Variants in GLRA1 observed in about 807,000 individuals in gnomAD.
GLRA1 encodes glycine receptor subunit alpha-1.
In GLRA1, 37 loss-of-function variants were observed where a neutral mutation model predicts 48.3. That is an observed-to-expected ratio of 0.77 (90% CI 0.59 to 1.01). The LOEUF (loss-of-function observed/expected upper bound fraction) is 1.01, where lower values mean the gene tolerates loss of function less well. Among genes scored for constraint, GLRA1 ranks in the 50% least tolerant of loss-of-function variants. The probability of loss-of-function intolerance (pLI) is 0.00; values close to 1 mark genes in which losing one functional copy is unlikely to be tolerated. For missense variants in GLRA1, 427 were observed against 571.0 expected (o/e 0.75, Z 2.57); for synonymous variants, 196 against 210.7 (o/e 0.93, Z 0.60).
rs747939620 is a variant in GLRA1 at position 151,851,343 on chromosome 5, G to A, written c.912+47C>T. The A allele has an allele frequency of 2.4e-6, 3 of 1,237,740 alleles. No homozygotes were observed. The South Asian group carries it at 3.6e-5, about 15-fold the overall frequency. The allele number at this position is 1,237,740 out of a possible 1,614,324, so 76.7% of individuals were successfully genotyped here. On this transcript the variant is annotated intron_variant, in intron 7 of 8. Transcript: ENST00000274576. ...TAGGCAGAGCAAGGAAGTAGGTGCT[G>A]TCCTTATTTGTCCAGGTGTTCTGTG...
At chr5:151,907,150 A>C (rs960812943) in intron 1 of GLRA1, among the ~76,000 whole-genome samples, 10 of 151,850 alleles carry the variant, frequency 6.6e-5, no homozygotes, top group Non-Finnish European at 1.0e-4. Flanking sequence ...CTGTTTCTTC[A>C]TCTATAAACT....
chr5:151,834,757 G>A (rs1384299545), intron 7 of GLRA1, among the ~76,000 whole-genome samples: 1 of 152,082 alleles, frequency 6.6e-6, no homozygotes, highest in East Asian at 1.9e-4. Flanking sequence ...GCTGGGCGTG[G>A]TGGCTCATGC....
At chr5:151,825,242 T>A (rs1048956893) in intron 8 of GLRA1, among the ~76,000 whole-genome samples, 1 of 152,210 alleles carries the variant, frequency 6.6e-6, no homozygotes, top group South Asian at 2.1e-4. Flanking sequence ...GGGGTCTAAG[T>A]CTGACTCTAT....
chr5:151,868,847 A>G (rs961841920), intron 3 of GLRA1, among the ~76,000 whole-genome samples: 30 of 152,240 alleles, frequency 2.0e-4, no homozygotes, highest in African/African-American at 7.0e-4. Flanking sequence ...ATCCCTGTCT[A>G]TTGCCTGCTT....
At chr5:151,887,462 C>T (rs992691599) in intron 2 of GLRA1, among the ~76,000 whole-genome samples, 3 of 152,170 alleles carry the variant, frequency 2.0e-5, no homozygotes, top group South Asian at 2.1e-4. Context: ...CTAAACATTA[C>T]GGGGGTTCCT....
At chr5:151,899,837 GA>G (rs1365605188) in intron 1 of GLRA1, among the ~76,000 whole-genome samples, 1 of 152,052 alleles carries the variant, frequency 6.6e-6, no homozygotes, top group Non-Finnish European at 1.5e-5. Context: ...GGGTCTTATG[GA>G]ACAAGACACC....
rs80294198 is a variant in GLRA1, at chr5:151,870,899, T to C, written c.253-10891A>G. Among the ~76,000 whole-genome samples the C allele has an allele frequency of 1.4e-3, 214 of 149,980 alleles. 6 individuals are homozygous for C. In the East Asian group the frequency reaches 0.015, roughly 10 times the overall value. ...GGACATGGCATTCTTATTATTACAA[T>C]AGAAAGTCTTACTGTAAATTGGAAC... On this transcript the variant is annotated intron_variant, in intron 3 of 8. Transcript: ENST00000274576.
chr5:151,889,063 G>A (rs1326050000), intron 2 of GLRA1, among the ~76,000 whole-genome samples: 3 of 152,158 alleles, frequency 2.0e-5, no homozygotes, highest in African/African-American at 7.2e-5. Flanking sequence ...TGTGCACAGA[G>A]TTCCCACCCA....
In GLRA1 at chr5:151,892,443, G is replaced by A. The variant is rs989715583; in HGVS notation, c.57-5C>T. 4.3e-6 allele frequency: 7 copies of A among 1,613,862 alleles called. No individual in the cohort carries two copies. Among genetic ancestry groups the A allele is most frequent in the Non-Finnish European group, 5.9e-6 (7 of 1,179,880 alleles). On this transcript the variant is annotated splice_region_variant and splice_polypyrimidine_tract_variant and intron_variant, in intron 1 of 8. Coordinates refer to ENST00000274576, the MANE Select transcript of GLRA1 (RefSeq NM_000171.4). Reference sequence around the variant, plus strand: ...GCCTCCTTAGAAGCAGCAAGGCTAAGGAGGAAGAGAGGAGAGCAAAAGGTT... The same window carrying A: ...GCCTCCTTAGAAGCAGCAAGGCTAAAGAGGAAGAGAGGAGAGCAAAAGGTT...
chr5:151,863,338 C>G (rs1007481833), intron 3 of GLRA1, among the ~76,000 whole-genome samples: 2 of 152,082 alleles, frequency 1.3e-5, no homozygotes, highest in Non-Finnish European at 2.9e-5. Flanking sequence ...AGGAGGATCA[C>G]CTGAACCCAG....
chr5:151,828,696 G>T (rs567548098), intron 8 of GLRA1, among the ~76,000 whole-genome samples: 1 of 152,284 alleles, frequency 6.6e-6, no homozygotes, highest in Non-Finnish European at 1.5e-5. Context: ...GATAATTTCT[G>T]TAGTGTTACT....
chr5:151,848,657 A>G (rs895663794), intron 7 of GLRA1, among the ~76,000 whole-genome samples: 1 of 152,222 alleles, frequency 6.6e-6, no homozygotes, highest in African/African-American at 2.4e-5. Flanking sequence ...GGAAGCCTGC[A>G]CATGGATTCC....
chr5:151,829,210 G>T, intron 7 of GLRA1, 143 bp from the exon 8 acceptor site: 2 of 738,196 alleles, frequency 2.7e-6, no homozygotes, highest in Non-Finnish European at 4.5e-6. Flanking sequence ...TAGGGTGGAG[G>T]TATAGAGGAA....
chr5:151,850,479 T>C, intron 7 of GLRA1: 1 of 1,037,346 alleles, frequency 9.6e-7, no homozygotes, highest in Non-Finnish European at 1.5e-6. Context: ...TGGTCTGAAG[T>C]ACACTGAGGA....
chr5:151,910,911 C>G (rs1754593385), intron 1 of GLRA1, among the ~76,000 whole-genome samples: 1 of 152,186 alleles, frequency 6.6e-6, no homozygotes, highest in African/African-American at 2.4e-5. Context: ...TGTGTTAGAG[C>G]AGGGACCATG....
At chr5:151,843,082 G>A (rs930295676) in intron 7 of GLRA1, among the ~76,000 whole-genome samples, 5 of 151,926 alleles carry the variant, frequency 3.3e-5, no homozygotes, top group African/African-American at 1.2e-4. Flanking sequence ...AATCTTTTTT[G>A]AAAGAAATTA....
At chr5:151,899,402 G>A (rs941207256) in intron 1 of GLRA1, among the ~76,000 whole-genome samples, 2 of 152,174 alleles carry the variant, frequency 1.3e-5, no homozygotes, top group Admixed American at 1.3e-4. Context: ...AGGGGAGAAA[G>A]CTTTCTCCTG....
intron 1 of GLRA1, among the ~76,000 whole-genome samples, chr5:151,895,938 C>G (rs144039704): frequency 1.6e-4 from 24 of 152,186 alleles, no homozygotes; most frequent in African/African-American, 5.8e-4. Flanking sequence ...TCATAAGCTC[C>G]CGTACTCTCT....
chr5:151,858,197 G>T (rs888296968), intron 4 of GLRA1, among the ~76,000 whole-genome samples: 1 of 152,270 alleles, frequency 6.6e-6, no homozygotes, highest in Non-Finnish European at 1.5e-5. Flanking sequence ...CTGGATGTGG[G>T]CCCCTTTAAG....
Sources: allele counts gnomAD v4.1 joint callset (sites outside exome capture counted in the v4.1 genomes callset), GRCh38; gene constraint gnomAD v4.1.1; transcripts MANE v1.5; gene names NCBI Gene and HGNC (gene_info 2026-07-23, HGNC 2026-07-21).